Variants in TANGO6 observed in about 807,000 individuals in gnomAD.
TANGO6 encodes the protein transport and Golgi organization protein 6 homolog.
A neutral mutation model predicts 114.2 loss-of-function variants in TANGO6; 90 were observed. That is an observed-to-expected ratio of 0.79 (90% CI 0.66 to 0.94). The LOEUF (loss-of-function observed/expected upper bound fraction) is 0.94, where lower values mean the gene tolerates loss of function less well. Ranked by LOEUF, TANGO6 falls within the 40% of genes least tolerant of loss-of-function variation. TANGO6 has a pLI of 0.00. For synonymous variants in TANGO6, 477 were observed against 509.8 expected, an observed-to-expected ratio of 0.94 and a Z score of 0.87; for missense variants, 1,274 against 1,315.3, an observed-to-expected ratio of 0.97 and a Z score of 0.49.
At chr16:69,041,249 C>G (rs1959769636) in intron 17 of TANGO6, among the ~76,000 whole-genome samples, 1 of 151,956 alleles carries the variant, frequency 6.6e-6, no homozygotes, top group Non-Finnish European at 1.5e-5. Flanking sequence ...GAGTTCGAGA[C>G]CAGCCTGACC....
chr16:68,868,492 A>ATTTTTTTTTTTT (rs765054621), intron 4 of TANGO6, among the ~76,000 whole-genome samples: 21 of 93,684 alleles, frequency 2.2e-4, no homozygotes, highest in Non-Finnish European at 3.1e-4. Flanking sequence ...CTATATTTCT[A>ATTTTTTTTTTTT]TTTTTTTTTT....
At chr16:68,901,079 C>T (rs905143883) in intron 8 of TANGO6, among the ~76,000 whole-genome samples, 2 of 152,142 alleles carry the variant, frequency 1.3e-5, no homozygotes, top group African/African-American at 4.8e-5. Context: ...TCTATTTTCA[C>T]AGTAATTTAT....
At chr16:68,880,297 G>A (rs759909154) in intron 6 of TANGO6, among the ~76,000 whole-genome samples, 5 of 152,066 alleles carry the variant, frequency 3.3e-5, no homozygotes, top group Non-Finnish European at 7.4e-5. Flanking sequence ...AAGTGATAAT[G>A]TGCTATAGGT....
chr16:69,070,588 A>C (rs1332582662), intron 17 of TANGO6, among the ~76,000 whole-genome samples: 1 of 149,826 alleles, frequency 6.7e-6, no homozygotes, highest in African/African-American at 2.4e-5. Flanking sequence ...AGCCAAGATC[A>C]CACCACTACA....
Position 68,863,018 on chromosome 16 carries a change from TA to T in TANGO6, c.810del (p.Ala271GlnfsTer19). The T allele has an allele frequency of 6.3e-7, 1 of 1,597,686 alleles. No homozygotes were observed. The highest frequency in any genetic ancestry group is 8.5e-7 in the Non-Finnish European group (1 of 1,172,282). On this transcript the variant is annotated frameshift_variant, in exon 3 of 18. Transcript: ENST00000261778. LOFTEE classifies it high-confidence loss of function. ...ATGCTGGATCAAGTCTATCAGCCCT[TA>T]GCAGTCCGGGAACTGCTTATCCTCC... ...RDMLDQVYQP[L>X]AVRELLILQG... is the part of the protein sequence containing the mutation.
At position 68,867,097 on chromosome 16, in the gene TANGO6, A is replaced by T; in HGVS notation, c.871A>T (p.Thr291Ser). ...GPPQSCTDVK[T>S]QMRCRAPAWL... ...TTCTCAGTCCTGCACAGATGTGAAGACACAGATGAGGTGTCGGGCCCCAGC... is the reference window on the plus strand; with the variant it reads ...TTCTCAGTCCTGCACAGATGTGAAGTCACAGATGAGGTGTCGGGCCCCAGC... Residue 291 changes from threonine (T) to serine (S), a missense_variant, in exon 4 of 18, where the codon ACA becomes TCA. Around this residue, in one of 5 missense-constraint regions of TANGO6, gnomAD observed 908 missense variants for 910.2 expected, o/e 1.00. Coordinates refer to ENST00000261778, the MANE Select transcript of TANGO6 (RefSeq NM_024562.2). 1 of 1,613,136 alleles carries T rather than the reference A, an allele frequency of 6.2e-7. No individual in the cohort carries two copies. Among genetic ancestry groups the T allele is most frequent in the Non-Finnish European group, 8.5e-7 (1 of 1,179,808 alleles).
At chr16:68,940,316 G>A (rs1056230155) in intron 14 of TANGO6, among the ~76,000 whole-genome samples, 1 of 151,906 alleles carries the variant, frequency 6.6e-6, no homozygotes, top group African/African-American at 2.4e-5. Context: ...CTCTCAAAGT[G>A]TTGGGATTAC....
chr16:68,925,211 G>A (rs965538257), intron 12 of TANGO6, among the ~76,000 whole-genome samples: 11 of 152,128 alleles, frequency 7.2e-5, no homozygotes, highest in Admixed American at 7.2e-4. Context: ...TCAAGAGGCT[G>A]AGGTGGGGGA....
chr16:68,870,538 G>A (rs1962250823), intron 4 of TANGO6, among the ~76,000 whole-genome samples: 1 of 152,152 alleles, frequency 6.6e-6, no homozygotes, highest in Non-Finnish European at 1.5e-5. Flanking sequence ...TTAAGGGCAT[G>A]CAGATTTGAG....
At chr16:68,904,539 T>G (rs1188944539) in intron 9 of TANGO6, among the ~76,000 whole-genome samples, 2 of 152,180 alleles carry the variant, frequency 1.3e-5, no homozygotes, top group African/African-American at 2.4e-5. Flanking sequence ...ACATACTGCC[T>G]GATGAGATGG....
Position 69,037,142 on chromosome 16 carries a change from A to AAG in TANGO6, c.2995-3165_2995-3164insGA, listed in dbSNP as rs1359133263. ...CAGAGTGAGAGTCCATCTCAAAAAA[A>AAG]AAAAAAAAAAAAAAGAATTGCCCTT... On this transcript the variant is annotated intron_variant, in intron 16 of 17. Transcript: ENST00000261778. Among the ~76,000 whole-genome samples, 36 of 151,810 alleles carry AAG rather than the reference A, an allele frequency of 2.4e-4. No homozygotes were observed. The East Asian group carries it at 6.6e-3, about 28-fold the overall frequency.
chr16:68,872,701 A>G (rs1596998529), intron 4 of TANGO6, among the ~76,000 whole-genome samples: 1 of 147,506 alleles, frequency 6.8e-6, no homozygotes, highest in Admixed American at 6.8e-5. Context: ...TTCACATACC[A>G]TAGAACGGTG....
intron 15 of TANGO6, among the ~76,000 whole-genome samples, chr16:69,013,947 C>T (rs767988470): frequency 2.0e-5 from 3 of 152,102 alleles, no homozygotes; most frequent in Admixed American, 6.6e-5. Context: ...CGTGAGCCAC[C>T]GTGCCTGGCC....
intron 4 of TANGO6, among the ~76,000 whole-genome samples, chr16:68,868,505 T>C (rs1326256857): frequency 6.9e-6 from 1 of 145,850 alleles, no homozygotes; most frequent in African/African-American, 2.5e-5. Context: ...TTTTTTTTTT[T>C]TTTTTTTTTT....
At chr16:69,058,109 C>G (rs1201747307) in intron 17 of TANGO6, among the ~76,000 whole-genome samples, 2 of 152,126 alleles carry the variant, frequency 1.3e-5, no homozygotes, top group East Asian at 3.9e-4. Context: ...TCAGATGGGC[C>G]TACAGGTTGC....
intron 17 of TANGO6, among the ~76,000 whole-genome samples, chr16:69,079,842 G>A (rs544587120): frequency 4.6e-5 from 7 of 152,124 alleles, no homozygotes; most frequent in Non-Finnish European, 8.8e-5. Context: ...ATTGTAATGC[G>A]CATTACCCTT....
At chr16:68,845,951 C>T (rs1272144718) in intron 1 of TANGO6, among the ~76,000 whole-genome samples, 1 of 151,964 alleles carries the variant, frequency 6.6e-6, no homozygotes, top group Non-Finnish European at 1.5e-5. Flanking sequence ...CTCCCGGGTT[C>T]GAGCAATTCT....
intron 17 of TANGO6, among the ~76,000 whole-genome samples, chr16:69,052,383 T>G (rs920993884): frequency 2.0e-5 from 3 of 150,304 alleles, no homozygotes; most frequent in African/African-American, 7.4e-5. Flanking sequence ...ATCCTCCCAC[T>G]TCAGCCTCCC....
chr16:69,056,682 G>A (rs889284767), intron 17 of TANGO6, among the ~76,000 whole-genome samples: 1 of 151,900 alleles, frequency 6.6e-6, no homozygotes, highest in African/African-American at 2.4e-5. Flanking sequence ...TAATGCAACC[G>A]TCTTATTTTA....
Sources: gnomAD v4.1 joint callset for allele counts (sites outside exome capture counted in the v4.1 genomes callset) on GRCh38, gnomAD v4.1.1 for gene constraint, gnomAD v4.1.1 regional missense constraint, MANE v1.5 for transcripts, NCBI Gene and HGNC (gene_info 2026-07-23, HGNC 2026-07-21) for gene names.